The following TSPEAR variants were observed in gnomAD, a reference collection of about 807,000 sequenced individuals.
The protein encoded by TSPEAR is thrombospondin-type laminin G domain and EAR repeat-containing protein.
In TSPEAR, 69 loss-of-function variants were observed where a neutral mutation model predicts 71.6. The observed-to-expected ratio is 0.96, with a 90% CI of 0.79 to 1.18. The LOEUF (loss-of-function observed/expected upper bound fraction) is 1.18. Ranked by LOEUF, TSPEAR falls within the 50% of genes most tolerant of loss-of-function variation. The probability of loss-of-function intolerance (pLI) is 0.00; values close to 1 mark genes in which losing one functional copy is unlikely to be tolerated. For missense variants in TSPEAR, 971 were observed against 894.9 expected, an observed-to-expected ratio of 1.09 and a Z score of -1.09; for synonymous variants, 402 against 387.2, an observed-to-expected ratio of 1.04 and a Z score of -0.45.
At chr21:44,692,928 T>C (rs1555949949) in intron 1 of TSPEAR, among the ~76,000 whole-genome samples, 1 of 152,072 alleles carries the variant, frequency 6.6e-6, no homozygotes, top group African/African-American at 2.4e-5. Flanking sequence ...GGGACAAAGC[T>C]GGAGGATTCA....
intron 1 of TSPEAR, among the ~76,000 whole-genome samples, chr21:44,652,382 G>T (rs77916552): frequency 6.6e-6 from 1 of 152,136 alleles, no homozygotes; most frequent in Non-Finnish European, 1.5e-5. Context: ...ACACTGCGGG[G>T]ACCCAGCACC....
rs1988176172 is a variant in TSPEAR at position 44,710,697 on chromosome 21, A to G, written c.82+736T>C. The stretch of plus-strand genomic sequence containing the variant: ...TCCAGTAACTGAGTTTCTAGCGACC[A>G]GGTCTAGTTGTCGTGTTACTTTATT... On this transcript the variant is annotated intron_variant, in intron 1 of 11. Transcript: ENST00000323084. This position sits in a 1 kb window ranked among gnomAD's most constrained non-coding sequence, Gnocchi z 4.6. 6.6e-6 allele frequency among the ~76,000 whole-genome samples: 1 copy of G among 152,258 alleles called. No individual in the cohort carries two copies. The highest frequency in any genetic ancestry group is 1.5e-5 in the Non-Finnish European group (1 of 68,046).
At chr21:44,511,530 G>A (rs974997980) in intron 9 of TSPEAR, among the ~76,000 whole-genome samples, 1 of 152,182 alleles carries the variant, frequency 6.6e-6, no homozygotes, top group East Asian at 1.9e-4. Flanking sequence ...ATGTGCATAT[G>A]TGTATACTTG....
At chr21:44,702,037 A>G (rs1481928552) in intron 1 of TSPEAR, among the ~76,000 whole-genome samples, 1 of 152,158 alleles carries the variant, frequency 6.6e-6, no homozygotes, top group Non-Finnish European at 1.5e-5. Context: ...ATATGAGATG[A>G]TCCTGGCTTA....
At chr21:44,595,462 C>T (rs900741591) in intron 1 of TSPEAR, among the ~76,000 whole-genome samples, 4 of 152,220 alleles carry the variant, frequency 2.6e-5, no homozygotes, top group Admixed American at 6.5e-5. Context: ...AGACACCTTA[C>T]TGAATCTATA....
intron 1 of TSPEAR, among the ~76,000 whole-genome samples, chr21:44,632,267 C>A (rs1983300675): frequency 6.6e-6 from 1 of 151,894 alleles, no homozygotes; most frequent in African/African-American, 2.4e-5. Context: ...ATCTTGAAAG[C>A]AGGAAGAGAG....
chr21:44,581,713 G>T (rs587626682), intron 1 of TSPEAR, among the ~76,000 whole-genome samples: 1 of 152,204 alleles, frequency 6.6e-6, no homozygotes, highest in South Asian at 2.1e-4. Flanking sequence ...CTTTCCTTTT[G>T]TGACTTTAAT....
intron 1 of TSPEAR, among the ~76,000 whole-genome samples, chr21:44,645,313 C>A (rs1984252752): frequency 6.6e-6 from 1 of 151,088 alleles, no homozygotes. Flanking sequence ...AATCTCTGAG[C>A]ATTCTCCTTA....
chr21:44,622,490 A>G (rs782167275), intron 1 of TSPEAR, among the ~76,000 whole-genome samples: 2 of 152,176 alleles, frequency 1.3e-5, no homozygotes, highest in Non-Finnish European at 2.9e-5. Flanking sequence ...TGAAATGAAG[A>G]TATCCACAGG....
At chr21:44,533,178 C>T (rs1008763788) in intron 3 of TSPEAR, among the ~76,000 whole-genome samples, 14 of 152,236 alleles carry the variant, frequency 9.2e-5, no homozygotes, top group African/African-American at 3.4e-4. Context: ...GGGGTTTTGA[C>T]AGGAGTGTGC....
chr21:44,570,960 G>A (rs2053786078), intron 1 of TSPEAR, among the ~76,000 whole-genome samples: 2 of 152,116 alleles, frequency 1.3e-5, no homozygotes. Flanking sequence ...AGATAATTGG[G>A]AGGTCCAATA....
At chr21:44,550,839 G>A (rs2053406142) in intron 2 of TSPEAR, 2 of 1,534,706 alleles carry the variant, frequency 1.3e-6, no homozygotes, top group Non-Finnish European at 1.8e-6. Context: ...GCAGCACGGA[G>A]AGGAAGCCCC....
chr21:44,645,263 C>CT (rs1256590656), intron 1 of TSPEAR, among the ~76,000 whole-genome samples: 1 of 151,930 alleles, frequency 6.6e-6, no homozygotes, highest in Non-Finnish European at 1.5e-5. Context: ...CATGGAAGAG[C>CT]TGAAGAGACA....
At chr21:44,570,185 G>A (rs587668694) in intron 1 of TSPEAR, among the ~76,000 whole-genome samples, 42 of 152,300 alleles carry the variant, frequency 2.8e-4, no homozygotes, top group African/African-American at 7.9e-4. Flanking sequence ...GCTGAGCCCC[G>A]GGATAGACAG....
At chr21:44,514,184 C>A (rs1207231328) in intron 9 of TSPEAR, among the ~76,000 whole-genome samples, 1 of 152,224 alleles carries the variant, frequency 6.6e-6, no homozygotes, top group African/African-American at 2.4e-5. Flanking sequence ...CCTCATGCCA[C>A]CCCCTTGACA....
chr21:44,619,366 G>A (rs1982306501), intron 1 of TSPEAR, among the ~76,000 whole-genome samples: 1 of 152,206 alleles, frequency 6.6e-6, no homozygotes, highest in African/African-American at 2.4e-5. Context: ...ACAGCAAACT[G>A]CGCAGAGGGA....
rs73907022 is a variant in TSPEAR, at chr21:44,554,762, C to T, written c.303+13023G>A. ...ATAAGATCTATTGTTAAATTAATTG[C>T]ACCTGTTCCTTCTGCCATCTTTAAA... On this transcript the variant is annotated intron_variant, in intron 2 of 11. Transcript: ENST00000323084. Among the ~76,000 whole-genome samples, 863 of 152,304 alleles carry T rather than the reference C, an allele frequency of 5.7e-3. 9 individuals are homozygous for T. The highest frequency in any genetic ancestry group is 0.02 in the African/African-American group (817 of 41,568).
intron 1 of TSPEAR, among the ~76,000 whole-genome samples, chr21:44,599,168 CT>C (rs1980593498): frequency 1.4e-5 from 2 of 138,058 alleles, no homozygotes; most frequent in African/African-American, 6.2e-5. Context: ...CTCTCTCTCT[CT>C]CTCCTTCCAT....
chr21:44,499,937 C>T lies in TSPEAR; in HGVS notation c.1857-1G>A. ...CACGAAGCCCTCGTAGCCCTGCCAC[C>T]TGCGGAACAGACAGCGGCAGCCGGG... On this transcript the variant is annotated splice_acceptor_variant, in intron 11 of 11. Transcript: ENST00000323084. LOFTEE classifies it high-confidence loss of function. The T allele has an allele frequency of 6.2e-7, 1 of 1,604,064 alleles. No individual in the cohort carries two copies. Among genetic ancestry groups the T allele is most frequent in the Non-Finnish European group, 8.5e-7 (1 of 1,177,040 alleles).
Sources: allele counts gnomAD v4.1 joint callset (sites outside exome capture counted in the v4.1 genomes callset), GRCh38; gene constraint gnomAD v4.1.1; non-coding constraint Gnocchi (gnomAD v3.1); transcripts MANE v1.5; gene names NCBI Gene and HGNC (gene_info 2026-07-23, HGNC 2026-07-21).